Variants in EYS observed in about 807,000 individuals in gnomAD.
The protein encoded by EYS is protein eyes shut homolog.
In EYS, 250 loss-of-function variants were observed where a neutral mutation model predicts 282.1. The ratio of observed to expected loss-of-function variants is 0.89; its 90% confidence interval spans 0.80 to 0.98. The LOEUF (loss-of-function observed/expected upper bound fraction) is 0.98. Ranked by LOEUF, EYS falls within the 50% of genes least tolerant of loss-of-function variation. EYS has a pLI of 0.00. For missense variants in EYS, 4,016 were observed against 3,709.0 expected (o/e 1.08, Z -2.15); for synonymous variants, 1,355 against 1,282.9 (o/e 1.06, Z -1.20).
At chr6:64,629,285 T>C (rs1767706684) in intron 22 of EYS, among the ~76,000 whole-genome samples, 1 of 152,130 alleles carries the variant, frequency 6.6e-6, no homozygotes, top group Admixed American at 6.5e-5. Flanking sequence ...TATATTAACA[T>C]TACTCTTTAG....
chr6:65,703,700 G>A (rs1335462989), intron 1 of EYS, among the ~76,000 whole-genome samples: 1 of 151,968 alleles, frequency 6.6e-6, no homozygotes, highest in Non-Finnish European at 1.5e-5. Context: ...ATGAAAGAAA[G>A]CTCCTAGAAG....
At chr6:65,612,871 G>GT (rs200482422) in intron 2 of EYS, among the ~76,000 whole-genome samples, 2,143 of 150,858 alleles carry the variant, frequency 0.014, 16 homozygotes, top group South Asian at 0.023. Context: ...TAAGTATTTT[G>GT]TTTTTTTTAC....
chr6:64,271,937 T>G (rs543515044), intron 30 of EYS, among the ~76,000 whole-genome samples: 2 of 152,322 alleles, frequency 1.3e-5, no homozygotes, highest in Non-Finnish European at 2.9e-5. Flanking sequence ...TGTCCTGGTT[T>G]CAAGCGATTC....
At chr6:64,557,700 A>G (rs559083835) in intron 26 of EYS, among the ~76,000 whole-genome samples, 1 of 152,212 alleles carries the variant, frequency 6.6e-6, no homozygotes, top group Non-Finnish European at 1.5e-5. Context: ...TAAATTATAT[A>G]AATTTGACAT....
chr6:65,257,747 G>A (rs1041269986), intron 12 of EYS, among the ~76,000 whole-genome samples: 8 of 151,896 alleles, frequency 5.3e-5, no homozygotes, highest in South Asian at 4.2e-4. Context: ...CTGACTTGGC[G>A]AAGACAAACT....
At chr6:64,157,875 A>G (rs1774981946) in intron 31 of EYS, among the ~76,000 whole-genome samples, 1 of 152,202 alleles carries the variant, frequency 6.6e-6, no homozygotes, top group African/African-American at 2.4e-5. Flanking sequence ...GAGCCCCCAC[A>G]CAGAGTCCCT....
rs12210485 is a variant in EYS at position 65,274,868 on chromosome 6, A to G, written c.2023+20995T>C. ...CAAGATATCATTTCTGAGTTGAAGG[A>G]TAAGTTGCTGCATCTGGTTCCTCCT... is the stretch of plus-strand genomic sequence containing the variant. On this transcript the variant is annotated intron_variant, in intron 12 of 42. Coordinates refer to ENST00000503581, the MANE Select transcript of EYS (RefSeq NM_001142800.2). 4.4e-3 allele frequency among the ~76,000 whole-genome samples: 666 copies of G among 151,874 alleles called. 8 individuals are homozygous for G. The highest frequency in any genetic ancestry group is 7.3e-3 in the Non-Finnish European group (496 of 67,956).
chr6:63,875,550 C>A (rs1311329923), intron 35 of EYS, among the ~76,000 whole-genome samples: 1 of 152,160 alleles, frequency 6.6e-6, no homozygotes, highest in African/African-American at 2.4e-5. Context: ...GGAATGGTAC[C>A]AGCTCCTCCT....
Position 63,864,320 on chromosome 6 carries a change from T to G in EYS, c.7094A>C (p.Tyr2365Ser). ...TGCAAACTGGCACAGCTTGCCTGAA[T>G]ACAGCCTTGGACACTCACAAAACAG... ...ENLFCECPRL[Y>S]SGKLCQFASC... Residue 2365 changes from tyrosine (Y) to serine (S), a missense_variant, in exon 36 of 43, where the codon TAT becomes TCT. Tyr to Ser is a moderately radical substitution (Grantham distance 144, BLOSUM62 -2). Coordinates refer to ENST00000503581, the MANE Select transcript of EYS (RefSeq NM_001142800.2). 1 of 1,551,680 alleles carries G rather than the reference T, an allele frequency of 6.4e-7. No individual in the cohort carries two copies. The highest frequency in any genetic ancestry group is 1.2e-5 in the South Asian group (1 of 84,048).
rs762923747 is a variant in EYS at position 65,433,674 on chromosome 6, C to T, written c.863-28307G>A. ...TTCAGAAGGCAAAATAGAAATATTT[C>T]GGGAGTTGTTAATAATTTGATAGCT... On this transcript the variant is annotated intron_variant, in intron 5 of 42. Transcript: ENST00000503581. Among the ~76,000 whole-genome samples the T allele has an allele frequency of 1.1e-4, 17 of 152,052 alleles. No homozygotes were observed. The East Asian group carries it at 1.5e-3, about 14-fold the overall frequency.
intron 40 of EYS, among the ~76,000 whole-genome samples, chr6:63,769,017 C>T (rs755281400): frequency 6.6e-6 from 1 of 152,040 alleles, no homozygotes; most frequent in Non-Finnish European, 1.5e-5. Flanking sequence ...AGGAGCTGAA[C>T]AATGAGTACA....
At chr6:63,738,232 A>C (rs1451285771) in intron 41 of EYS, among the ~76,000 whole-genome samples, 1 of 152,164 alleles carries the variant, frequency 6.6e-6, no homozygotes, top group Non-Finnish European at 1.5e-5. Flanking sequence ...CCATGCCATT[A>C]CTGGGTATAT....
chr6:64,992,957 C>G (rs988742624), intron 14 of EYS, among the ~76,000 whole-genome samples: 1 of 151,998 alleles, frequency 6.6e-6, no homozygotes, highest in African/African-American at 2.4e-5. Context: ...GCATCATGCC[C>G]TTGAAGGCAA....
At chr6:63,959,942 G>C (rs1377869758) in intron 35 of EYS, among the ~76,000 whole-genome samples, 2 of 151,862 alleles carry the variant, frequency 1.3e-5, no homozygotes, top group African/African-American at 2.4e-5. Flanking sequence ...GAATTGATAG[G>C]TGCAGCAAAC....
intron 11 of EYS, among the ~76,000 whole-genome samples, chr6:65,313,318 G>A (rs1396038619): frequency 1.3e-5 from 2 of 151,484 alleles, no homozygotes; most frequent in African/African-American, 2.4e-5. Flanking sequence ...GGAAATAATA[G>A]GAGGGTTTAG....
At chr6:65,029,631 C>G (rs944935075) in intron 13 of EYS, among the ~76,000 whole-genome samples, 7 of 151,914 alleles carry the variant, frequency 4.6e-5, no homozygotes, top group African/African-American at 1.7e-4. Flanking sequence ...CCTCCTCCTC[C>G]GAGGTCTATT....
intron 2 of EYS, among the ~76,000 whole-genome samples, chr6:65,570,931 A>G (rs1261258550): frequency 6.6e-6 from 1 of 152,082 alleles, no homozygotes; most frequent in Non-Finnish European, 1.5e-5. Flanking sequence ...AAAGAAATGT[A>G]CTTGGAGGCC....
intron 22 of EYS, among the ~76,000 whole-genome samples, chr6:64,786,717 C>A (rs1311631501): frequency 6.6e-6 from 1 of 152,182 alleles, no homozygotes; most frequent in Non-Finnish European, 1.5e-5. Context: ...AAATCTTACA[C>A]CCTTCTTTAA....
At position 65,683,389 on chromosome 6, in the gene EYS, G is replaced by C. The variant is rs1334791506; in HGVS notation, c.-448+23746C>G. Among the ~76,000 whole-genome samples, 26 of 151,402 alleles carry C rather than the reference G, an allele frequency of 1.7e-4. 1 individual carries two copies. The highest frequency in any genetic ancestry group is 1.7e-3 in the Admixed American group (26 of 15,156). On this transcript the variant is annotated intron_variant, in intron 1 of 42. Transcript: ENST00000503581. Reference sequence around the variant, plus strand: ...AAAAACTATCCTGCCTTTTGTTTCAGTGGTGTTGAGTTCAATCTTTCCCCT... The same window carrying C: ...AAAAACTATCCTGCCTTTTGTTTCACTGGTGTTGAGTTCAATCTTTCCCCT...
Sources: gnomAD v4.1 joint callset for allele counts (sites outside exome capture counted in the v4.1 genomes callset) on GRCh38, gnomAD v4.1.1 for gene constraint, MANE v1.5 for transcripts, NCBI Gene and HGNC (gene_info 2026-07-23, HGNC 2026-07-21) for gene names.